The following CD302 variants were observed in gnomAD, a reference collection of about 807,000 sequenced individuals.
The protein encoded by CD302 is CD302 molecule, also known as CD302 antigen.
CD302 carries 23 observed loss-of-function variants against 26.5 expected under a neutral mutation model. The observed-to-expected ratio is 0.87, with a 90% confidence interval of 0.62 to 1.23. The LOEUF (loss-of-function observed/expected upper bound fraction) is 1.23, where lower values mean the gene tolerates loss of function less well. Among genes scored for constraint, CD302 ranks in the 50% most tolerant of loss-of-function variants. CD302 has a pLI of 0.00. For synonymous variants in CD302, 90 were observed against 99.4 expected, an observed-to-expected ratio of 0.91 and a Z score of 0.56; for missense variants, 290 against 275.5, an observed-to-expected ratio of 1.05 and a Z score of -0.37.
Position 159,798,196 on chromosome 2 carries a change from CATGACGGCGGGT to C in CD302, c.-10_2del. On this transcript the variant is annotated start_lost and 5_prime_UTR_variant, in exon 1 of 6. Coordinates refer to ENST00000259053, the MANE Select transcript of CD302 (RefSeq NM_014880.5). ...GGAGCGCGGGCAGCGCGGCCCGGAG[CATGACGGCGGGT>C]GCGGGTGGGCGGCAGCGGCTGCGCG... The C allele has an allele frequency of 6.9e-7, 1 of 1,446,614 alleles. No homozygotes were observed. The highest frequency in any genetic ancestry group is 9.0e-7 in the Non-Finnish European group (1 of 1,105,116). 89.6% of individuals were successfully genotyped at this position (1,446,614 alleles called of 1,614,324 possible).
Position 159,798,195 on chromosome 2 carries a change from G to A in CD302, c.4C>T (p.Leu2Phe). The A allele has an allele frequency of 6.9e-7, 1 of 1,451,478 alleles. No individual in the cohort carries two copies. The highest frequency in any genetic ancestry group is 9.0e-7 in the Non-Finnish European group (1 of 1,105,542). 89.9% of individuals were successfully genotyped at this position (1,451,478 alleles called of 1,614,324 possible). A position where few individuals can be genotyped will look rare whatever the true frequency, so the allele number is the denominator to read the frequency against. The stretch of plus-strand genomic sequence containing the variant: ...AGGAGCGCGGGCAGCGCGGCCCGGA[G>A]CATGACGGCGGGTGCGGGTGGGCGG... The part of the protein sequence containing the change: M[L>F]RAALPALLLP... Residue 2 changes from leucine (L) to phenylalanine (F), a missense_variant, in exon 1 of 6, where the codon CTC (leucine) becomes TTC (phenylalanine). Transcript: ENST00000259053.
At chr2:159,797,223 G>C (rs569871232) in intron 1 of CD302, among the ~76,000 whole-genome samples, 3 of 37,556 alleles carry the variant, frequency 8.0e-5, no homozygotes, top group Non-Finnish European at 1.1e-4. Flanking sequence ...GGCAAGGGGT[G>C]GGGGGGGGGA....
intron 1 of CD302, among the ~76,000 whole-genome samples, chr2:159,792,807 C>G (rs147031213): frequency 8.9e-4 from 133 of 150,242 alleles, no homozygotes; most frequent in African/African-American, 3.1e-3. Flanking sequence ...TTCCCCAAAA[C>G]TTTCAACTGC....
chr2:159,794,319 C>T (rs1357763677), intron 1 of CD302, among the ~76,000 whole-genome samples: 10 of 81,344 alleles, frequency 1.2e-4, no homozygotes, highest in Admixed American at 2.6e-4. Flanking sequence ...AAAAAAAACA[C>T]TAAATAACCC....
intron 1 of CD302, among the ~76,000 whole-genome samples, chr2:159,794,307 A>AAATAAAATAAAATAATAAT (rs1553795860): frequency 3.5e-5 from 2 of 56,668 alleles, no homozygotes; most frequent in South Asian, 4.4e-4. Flanking sequence ...TAAAATAATA[A>AAATAAAATAAAATAATAAT]AAAAAAAAAC....
chr2:159,776,519 C>T (rs1480297796), intron 5 of CD302, among the ~76,000 whole-genome samples: 2 of 152,088 alleles, frequency 1.3e-5, no homozygotes, highest in Admixed American at 1.3e-4. Flanking sequence ...ATTCCTACCA[C>T]AAGAGTTCCA....
chr2:159,788,951 T>C (rs1560049692), intron 1 of CD302, among the ~76,000 whole-genome samples: 1 of 152,134 alleles, frequency 6.6e-6, no homozygotes, highest in Non-Finnish European at 1.5e-5. Flanking sequence ...CTCTCCATAA[T>C]ATAATCTCAT....
At chr2:159,772,113 T>C (rs544751288) in intron 5 of CD302, 60 bp from the exon 6 acceptor site, 1 of 1,551,038 alleles carries the variant, frequency 6.4e-7, no homozygotes, top group Admixed American at 1.8e-5. Context: ...TGCAAGTATA[T>C]TTTGATGAGC....
chr2:159,780,566 C>T (rs984841775), intron 3 of CD302, among the ~76,000 whole-genome samples: 9 of 151,948 alleles, frequency 5.9e-5, no homozygotes, highest in South Asian at 2.1e-4. Context: ...ATAATAGAAC[C>T]GTGATAATTT....
In CD302 at chr2:159,770,289, T is replaced by A. The variant is rs1451137047; in HGVS notation, c.*1562A>T. 1 of 152,194 alleles carries A rather than the reference T, an allele frequency of 6.6e-6. No homozygotes were observed. The allele number at this position is 152,194 out of a possible 1,614,324, so 9.4% of individuals were successfully genotyped here. On this transcript the variant is annotated 3_prime_UTR_variant, in exon 6 of 6. Transcript: ENST00000259053. ...ACAAAATCTCAGAAATGTAAAGCTC[T>A]TACAGAGCATGCTTGTGCTTGTGTA...
chr2:159,797,618 T>C (rs961123119), intron 1 of CD302, among the ~76,000 whole-genome samples: 3 of 152,222 alleles, frequency 2.0e-5, no homozygotes, highest in Non-Finnish European at 2.9e-5. Context: ...ACTGTTTTCC[T>C]GTTTAAACAA....
chr2:159,772,739 T>C (rs1215038318), intron 5 of CD302, among the ~76,000 whole-genome samples: 3 of 152,214 alleles, frequency 2.0e-5, no homozygotes, highest in East Asian at 1.9e-4. Context: ...TTCAGAATTA[T>C]TTTGACAGAT....
At position 159,770,944 on chromosome 2, in the gene CD302, T is replaced by C. The variant is rs1050279832; in HGVS notation, c.*907A>G. ...GGTGAGGAAAATTACTCGTTTCAGC[T>C]TTTTCATTTTTTTACTCCCCAAATG... On this transcript the variant is annotated 3_prime_UTR_variant, in exon 6 of 6. Coordinates refer to ENST00000259053, the MANE Select transcript of CD302 (RefSeq NM_014880.5). 1 of 152,206 alleles carries C rather than the reference T, an allele frequency of 6.6e-6. No homozygotes were observed. The highest frequency in any genetic ancestry group is 1.5e-5 in the Non-Finnish European group (1 of 68,008). The allele number at this position is 152,206 out of a possible 1,614,324, so 9.4% of individuals were successfully genotyped here.
chr2:159,772,005 A>C lies in CD302; in HGVS notation c.545T>G (p.Leu182Trp). The C allele has an allele frequency of 6.2e-6, 10 of 1,614,064 alleles. No homozygotes were observed. Among genetic ancestry groups the C allele is most frequent in the Non-Finnish European group, 8.5e-6 (10 of 1,179,940 alleles). Reference sequence around the variant, plus strand: ...CCAAATGATTGCTCCCAAAACTGTCAAAATTACCGTGCTAGCAATCACCAA... The same window carrying C: ...CCAAATGATTGCTCCCAAAACTGTCCAAATTACCGTGCTAGCAATCACCAA... ...SALVIASTVI[L>W]TVLGAIIWFL... is the part of the protein sequence containing the mutation. The change falls in exon 6 of 6, where the codon TTG becomes TGG. Residue 182 changes from leucine to tryptophan, a missense_variant. Leu to Trp is a moderately conservative substitution (Grantham distance 61). Transcript: ENST00000259053.
chr2:159,781,271 GGGC>G (rs1708497843), intron 2 of CD302, among the ~76,000 whole-genome samples: 1 of 152,052 alleles, frequency 6.6e-6, no homozygotes, highest in African/African-American at 2.4e-5. Flanking sequence ...TGTAGGGGCT[GGGC>G]GTGGTGGCTC....
chr2:159,772,985 A>G (rs1431394923), intron 5 of CD302, among the ~76,000 whole-genome samples: 3 of 152,124 alleles, frequency 2.0e-5, no homozygotes. Flanking sequence ...AGATTTGGTA[A>G]GGTGTGAGGG....
At chr2:159,776,245 A>G (rs962490855) in intron 5 of CD302, among the ~76,000 whole-genome samples, 28 of 151,950 alleles carry the variant, frequency 1.8e-4, no homozygotes, top group African/African-American at 6.8e-4. Flanking sequence ...AGGCTAAATG[A>G]TACTCAGTTG....
At chr2:159,793,558 T>G (rs1329586124) in intron 1 of CD302, among the ~76,000 whole-genome samples, 1 of 152,286 alleles carries the variant, frequency 6.6e-6, no homozygotes, top group Non-Finnish European at 1.5e-5. Context: ...AGACCTTTGC[T>G]CCTCTCCCAT....
rs534663551 is a variant in CD302 at position 159,793,448 on chromosome 2, A to C, written c.67+4684T>G. 2.3e-3 allele frequency among the ~76,000 whole-genome samples: 346 copies of C among 152,154 alleles called. 2 individuals carry two copies. The highest frequency in any genetic ancestry group is 5.2e-3 in the Admixed American group (80 of 15,278). The stretch of plus-strand genomic sequence containing the variant: ...TTTTTTTTAAAAAAAGAAAAAAAAA[A>C]CAGGCACAGCATGAGGAAGTGATTC... On this transcript the variant is annotated intron_variant, in intron 1 of 5. Coordinates refer to ENST00000259053, the MANE Select transcript of CD302 (RefSeq NM_014880.5).
Sources: allele counts gnomAD v4.1 joint callset (sites outside exome capture counted in the v4.1 genomes callset), GRCh38; gene constraint gnomAD v4.1.1; transcripts MANE v1.5; gene names NCBI Gene and HGNC (gene_info 2026-07-23, HGNC 2026-07-21).